The following MED12L variants were observed in gnomAD, a reference collection of about 807,000 sequenced individuals.
The protein encoded by MED12L is mediator of RNA polymerase II transcription subunit 12-like protein.
MED12L carries 60 observed loss-of-function variants against 281.3 expected under a neutral mutation model. The observed-to-expected ratio is 0.21, with a 90% CI of 0.17 to 0.26. The LOEUF (loss-of-function observed/expected upper bound fraction) is 0.26. MED12L is among the 10% of genes least tolerant of loss of function. The pLI, the probability that MED12L is intolerant of heterozygous loss-of-function variation, is 1.00. For synonymous variants in MED12L, 974 were observed against 987.2 expected, an observed-to-expected ratio of 0.99 and a Z score of 0.25; for missense variants, 2,146 against 2,680.9, an observed-to-expected ratio of 0.80 and a Z score of 4.41.
rs1251624557 is a variant in MED12L, at chr3:151,165,427, C to T, written c.1265C>T (p.Ala422Val). 1.2e-6 allele frequency: 2 copies of T among 1,613,572 alleles called. No individual in the cohort carries two copies. Among genetic ancestry groups the T allele is most frequent in the Admixed American group, 1.7e-5 (1 of 59,984 alleles). ...GAAGCGATTATCTTTCAGGTTCGGG[C>T]AAGGATTTATGAAGTAGAACAACAG... ...GNTAFNQQVR[A>V]RIYEVEQQIK... Residue 422 changes from alanine to valine, a missense_variant, in exon 10 of 45, where the codon GCA (alanine) becomes GTA (valine). Ala to Val is a moderately conservative substitution (Grantham distance 64). Around this residue, in one of 9 missense-constraint regions of MED12L, gnomAD observed 722 missense variants for 861.2 expected, o/e 0.84. Coordinates refer to ENST00000687756, the MANE Select transcript of MED12L (RefSeq NM_001393769.1).
intron 16 of MED12L, among the ~76,000 whole-genome samples, chr3:151,277,236 A>G (rs1469168884): frequency 1.3e-5 from 2 of 151,758 alleles, no homozygotes; most frequent in Non-Finnish European, 2.9e-5. Context: ...ACATGACAAT[A>G]TAGAGTTCAT....
chr3:151,295,108 C>G (rs9819885), intron 16 of MED12L: 1 of 1,613,122 alleles, frequency 6.2e-7, no homozygotes, highest in Non-Finnish European at 8.5e-7. Flanking sequence ...GATAAAGCAC[C>G]GGCAAGACAA....
intron 16 of MED12L, chr3:151,337,730 T>G: frequency 7.4e-7 from 1 of 1,342,876 alleles, no homozygotes. Context: ...CTTAGTTGCT[T>G]CTTCGTCAGT....
In MED12L at chr3:151,290,560, T is replaced by G. The variant is rs531662418; in HGVS notation, c.2251-59499T>G. ...ACTATAAATTATACATTTTTAAAAT[T>G]TTTCTATAAGTTAATTTAGAAAGAA... On this transcript the variant is annotated intron_variant, in intron 16 of 44. Transcript: ENST00000687756. Among the ~76,000 whole-genome samples the G allele has an allele frequency of 7.9e-4, 121 of 152,254 alleles. 2 individuals are homozygous for G. The Middle Eastern group carries it at 0.034, about 43-fold the overall frequency.
At chr3:151,239,113 A>G (rs1733542058) in intron 16 of MED12L, among the ~76,000 whole-genome samples, 1 of 152,210 alleles carries the variant, frequency 6.6e-6, no homozygotes, top group Non-Finnish European at 1.5e-5. Context: ...ATTAATTAGT[A>G]TGATTTTTTG....
intron 16 of MED12L, among the ~76,000 whole-genome samples, chr3:151,205,748 C>T (rs945942057): frequency 1.3e-5 from 2 of 152,170 alleles, no homozygotes; most frequent in Non-Finnish European, 2.9e-5. Context: ...CGTCCCAGCT[C>T]TTAGTTATGC....
At chr3:151,295,085 A>T (rs1744901737) in intron 16 of MED12L, 2 of 1,613,784 alleles carry the variant, frequency 1.2e-6, no homozygotes, top group Non-Finnish European at 1.7e-6. Flanking sequence ...GATGCTTGCC[A>T]CAAATATAAT....
chr3:151,238,178 G>A (rs957114575), intron 16 of MED12L, among the ~76,000 whole-genome samples: 10 of 148,190 alleles, frequency 6.7e-5, no homozygotes, highest in Non-Finnish European at 1.3e-4. Flanking sequence ...ATGGAGTCTC[G>A]CTCTGTCACC....
intron 14 of MED12L, among the ~76,000 whole-genome samples, chr3:151,192,094 A>G (rs1413506729): frequency 1.3e-5 from 2 of 152,204 alleles, no homozygotes. Context: ...ATTTGTCTTA[A>G]TTTATTGACA....
intron 2 of MED12L, among the ~76,000 whole-genome samples, chr3:151,102,553 G>T (rs2148665787): frequency 6.6e-6 from 1 of 152,194 alleles, no homozygotes; most frequent in South Asian, 2.1e-4. Flanking sequence ...AGTGAACATG[G>T]TTCACTGCAA....
intron 16 of MED12L, among the ~76,000 whole-genome samples, chr3:151,227,511 C>T (rs1251601086): frequency 1.3e-5 from 2 of 152,218 alleles, no homozygotes; most frequent in Non-Finnish European, 2.9e-5. Context: ...ACACTTTTGG[C>T]ATAGCTTGTG....
intron 39 of MED12L, among the ~76,000 whole-genome samples, chr3:151,397,623 T>A (rs1483175750): frequency 6.6e-6 from 1 of 152,238 alleles, no homozygotes; most frequent in Admixed American, 6.5e-5. Flanking sequence ...TAAGCAATAT[T>A]GATCAATTGT....
chr3:151,348,340 CAAA>C (rs11382065), intron 16 of MED12L, among the ~76,000 whole-genome samples: 24,424 of 88,700 alleles, frequency 0.28, 1,859 homozygotes, highest in South Asian at 0.43. Flanking sequence ...ACCACCAGAC[CAAA>C]AAAAAAAAAA....
At chr3:151,274,770 G>A (rs1741568594) in intron 16 of MED12L, among the ~76,000 whole-genome samples, 1 of 152,110 alleles carries the variant, frequency 6.6e-6, no homozygotes. Flanking sequence ...TCAATTCCTA[G>A]GAGTGATGAT....
chr3:151,435,058 GTTTCTT>G lies in MED12L; in HGVS notation c.*2258_*2263del, dbSNP rs1292607663. ...CCCTGTTAATTCTGTATCTTGAGAG[GTTTCTT>G]TTTTTTTTTTTTTTTTTTCTTTTCT... On this transcript the variant is annotated 3_prime_UTR_variant, in exon 45 of 45. Transcript: ENST00000687756. 8 of 124,588 alleles carry G rather than the reference GTTTCTT, an allele frequency of 6.4e-5. No individual in the cohort carries two copies. Among genetic ancestry groups the G allele is most frequent in the African/African-American group, 2.2e-4 (7 of 31,278 alleles). The allele number at this position is 124,588 out of a possible 1,614,324, so 7.7% of individuals were successfully genotyped here.
chr3:151,259,723 G>A (rs1230316588), intron 16 of MED12L, among the ~76,000 whole-genome samples: 1 of 152,180 alleles, frequency 6.6e-6, no homozygotes, highest in Non-Finnish European at 1.5e-5. Context: ...TAAATACTCT[G>A]TGTTAATCTT....
At chr3:151,384,419 A>G (rs899927535) in intron 35 of MED12L, among the ~76,000 whole-genome samples, 5 of 152,252 alleles carry the variant, frequency 3.3e-5, no homozygotes, top group Non-Finnish European at 7.3e-5. Context: ...ATTGAAAACA[A>G]TTACATTATA....
At chr3:151,207,518 A>G (rs1033495620) in intron 16 of MED12L, among the ~76,000 whole-genome samples, 8 of 145,758 alleles carry the variant, frequency 5.5e-5, no homozygotes, top group Non-Finnish European at 1.2e-4. Context: ...CTGTCAGGCA[A>G]TTTGGGGGCT....
chr3:151,419,044 A>G (rs1440185010), intron 43 of MED12L, among the ~76,000 whole-genome samples: 2 of 151,974 alleles, frequency 1.3e-5, no homozygotes, highest in East Asian at 3.9e-4. Flanking sequence ...TTCCACTTCT[A>G]CTCTTTTAGT....
Sources: allele counts gnomAD v4.1 joint callset (sites outside exome capture counted in the v4.1 genomes callset), GRCh38; gene constraint gnomAD v4.1.1; regional missense constraint gnomAD v4.1.1; transcripts MANE v1.5; gene names NCBI Gene and HGNC (gene_info 2026-07-23, HGNC 2026-07-21).